REDIC1: variants seen among roughly 807,000 people sequenced by gnomAD.
REDIC1 encodes the protein regulator of DNA class I crossover intermediates 1.
At chr12:39,770,649 C>T in the REDIC1 span, among the ~76,000 whole-genome samples, 1 of 152,152 alleles carries the variant, frequency 6.6e-6, no homozygotes. Flanking sequence ...CATCTGCACA[C>T]TCAATGCTTA....
chr12:39,890,037 C>T, the REDIC1 span, among the ~76,000 whole-genome samples: 1 of 152,222 alleles, frequency 6.6e-6, no homozygotes, highest in South Asian at 2.1e-4. Context: ...AAGAAAATTA[C>T]TACATTGGGT....
the REDIC1 span, among the ~76,000 whole-genome samples, chr12:39,847,364 G>A: frequency 5.3e-5 from 8 of 151,922 alleles, no homozygotes; most frequent in African/African-American, 1.2e-4. Flanking sequence ...CCCTCCTCCC[G>A]ACTGCTAGAC....
chr12:39,829,712 C>T, the REDIC1 span: 1 of 240,460 alleles, frequency 4.2e-6, no homozygotes. Context: ...TGTGCCCAAC[C>T]TAACGTGATA....
At chr12:39,697,397 A>T in the REDIC1 span, among the ~76,000 whole-genome samples, 1 of 152,244 alleles carries the variant, frequency 6.6e-6, no homozygotes, top group African/African-American at 2.4e-5. Flanking sequence ...AATAAAGTTA[A>T]TGAGCAAGAA....
At chr12:39,691,429 A>G in the REDIC1 span, among the ~76,000 whole-genome samples, 1 of 152,198 alleles carries the variant, frequency 6.6e-6, no homozygotes, top group Non-Finnish European at 1.5e-5. Context: ...AGAAAATCTA[A>G]GACATTTATT....
chr12:39,871,674 A>ATTT, the REDIC1 span: 2 of 1,003,080 alleles, frequency 2.0e-6, no homozygotes, highest in Admixed American at 3.7e-5. Flanking sequence ...AAGAACTCTA[A>ATTT]TTTTTTTGTT....
At chr12:39,873,724 T>C in the REDIC1 span, among the ~76,000 whole-genome samples, 1 of 152,152 alleles carries the variant, frequency 6.6e-6, no homozygotes, top group East Asian at 1.9e-4. Flanking sequence ...AATGAAGGGA[T>C]AGAAAGGAGA....
the REDIC1 span, among the ~76,000 whole-genome samples, chr12:39,693,924 G>A: frequency 6.6e-6 from 1 of 152,126 alleles, no homozygotes; most frequent in Non-Finnish European, 1.5e-5. Flanking sequence ...GGCACCAATA[G>A]CAATGTACAT....
the REDIC1 span, among the ~76,000 whole-genome samples, chr12:39,780,982 C>A: frequency 6.6e-6 from 1 of 152,204 alleles, no homozygotes; most frequent in African/African-American, 2.4e-5. Context: ...GATGGAAAGT[C>A]ATTATCGTAA....
chr12:39,732,344 A>G, the REDIC1 span, among the ~76,000 whole-genome samples: 1 of 152,166 alleles, frequency 6.6e-6, no homozygotes, highest in Non-Finnish European at 1.5e-5. Context: ...TGGCAGCTGT[A>G]TCCAGAGGTT....
the REDIC1 span, among the ~76,000 whole-genome samples, chr12:39,858,973 G>A: frequency 6.6e-6 from 1 of 152,108 alleles, no homozygotes; most frequent in African/African-American, 2.4e-5. Context: ...CAGTGCTCAT[G>A]TTAATGATGC....
chr12:39,704,693 C>G, the REDIC1 span, among the ~76,000 whole-genome samples: 1 of 152,078 alleles, frequency 6.6e-6, no homozygotes, highest in African/African-American at 2.4e-5. Context: ...CAATGATAGA[C>G]TAGATTAAGA....
the REDIC1 span, among the ~76,000 whole-genome samples, chr12:39,839,008 C>T: frequency 0.016 from 2,409 of 152,196 alleles, 61 homozygotes; most frequent in African/African-American, 0.055. Context: ...ATTTCATTTT[C>T]TGCAGGTAAT....
chr12:39,693,719 T>G, the REDIC1 span, among the ~76,000 whole-genome samples: 3 of 152,196 alleles, frequency 2.0e-5, no homozygotes, highest in African/African-American at 7.2e-5. Context: ...TTGGGCTATT[T>G]CCAGTATATT....
the REDIC1 span, among the ~76,000 whole-genome samples, chr12:39,670,277 G>A: frequency 6.6e-6 from 1 of 152,144 alleles, no homozygotes; most frequent in Non-Finnish European, 1.5e-5. Flanking sequence ...TGCAACCTCT[G>A]CCTCCTGGGA....
At chr12:39,631,230 G>A in the REDIC1 span, among the ~76,000 whole-genome samples, 1 of 152,058 alleles carries the variant, frequency 6.6e-6, no homozygotes, top group Non-Finnish European at 1.5e-5. Context: ...CATTTTGATG[G>A]CATTTTGTTC....
the REDIC1 span, among the ~76,000 whole-genome samples, chr12:39,675,982 C>T: frequency 6.6e-6 from 1 of 152,172 alleles, no homozygotes; most frequent in Non-Finnish European, 1.5e-5. Flanking sequence ...TCCACTGAGA[C>T]AGTCCATCCA....
At chr12:39,675,623 A>G in the REDIC1 span, among the ~76,000 whole-genome samples, 1 of 152,242 alleles carries the variant, frequency 6.6e-6, no homozygotes, top group South Asian at 2.1e-4. Context: ...TCATGTGACA[A>G]CTTCACTGCT....
chr12:39,790,172 G>C, the REDIC1 span, among the ~76,000 whole-genome samples: 2 of 146,700 alleles, frequency 1.4e-5, no homozygotes, highest in African/African-American at 5.0e-5. Context: ...ATTGAAGAAA[G>C]AATTTTTTAT....
Sources: gnomAD v4.1 joint callset for allele counts (sites outside exome capture counted in the v4.1 genomes callset) on GRCh38, gnomAD v4.1.1 for gene constraint, MANE v1.5 for transcripts, NCBI Gene and HGNC (gene_info 2026-07-23, HGNC 2026-07-21) for gene names.